Variants in SEMA5A observed in about 807,000 individuals in gnomAD.
SEMA5A encodes the protein semaphorin 5A.
In SEMA5A, 55 loss-of-function variants were observed where a neutral mutation model predicts 135.5. That is an observed-to-expected ratio of 0.41 (90% CI 0.33 to 0.51). SEMA5A has a LOEUF of 0.51. SEMA5A is among the 20% of genes least tolerant of loss of function. The pLI, the probability that SEMA5A is intolerant of heterozygous loss-of-function variation, is 0.37. For missense variants in SEMA5A, 1,290 were observed against 1,419.9 expected (o/e 0.91, Z 1.47); for synonymous variants, 580 against 546.5 (o/e 1.06, Z -0.85).
At chr5:9,440,755 C>T (rs1758203625) in intron 1 of SEMA5A, among the ~76,000 whole-genome samples, 1 of 152,250 alleles carries the variant, frequency 6.6e-6, no homozygotes, top group Non-Finnish European at 1.5e-5. Flanking sequence ...CCCTGCCCAA[C>T]TTACTCAGAA....
chr5:9,359,117 A>T (rs1754580596), intron 3 of SEMA5A, among the ~76,000 whole-genome samples: 1 of 152,076 alleles, frequency 6.6e-6, no homozygotes, highest in Admixed American at 6.5e-5. Context: ...ACGGACACAC[A>T]CACAAAGCAG....
chr5:9,232,201 G>T (rs1481662703), intron 6 of SEMA5A, among the ~76,000 whole-genome samples: 1 of 151,986 alleles, frequency 6.6e-6, no homozygotes, highest in African/African-American at 2.4e-5. Context: ...TTTTTAAACA[G>T]GTATGTTCTG....
chr5:9,221,388 C>T lies in SEMA5A; in HGVS notation c.646+3286G>A, dbSNP rs550713928. 3.7e-3 allele frequency among the ~76,000 whole-genome samples: 561 copies of T among 149,700 alleles called. 6 individuals carry two copies. The highest frequency in any genetic ancestry group is 0.012 in the African/African-American group (492 of 40,904). ...CGCGATCTCGGCTTACTGCAAGCTCCGCCTCCCGGGTTCACACCATTCTCC... is the reference window on the plus strand; with the variant it reads ...CGCGATCTCGGCTTACTGCAAGCTCTGCCTCCCGGGTTCACACCATTCTCC... On this transcript the variant is annotated intron_variant, in intron 8 of 22. Coordinates refer to ENST00000382496, the MANE Select transcript of SEMA5A (RefSeq NM_003966.3).
chr5:9,045,351 G>T (rs1043563480), intron 21 of SEMA5A, among the ~76,000 whole-genome samples: 1 of 152,132 alleles, frequency 6.6e-6, no homozygotes, highest in African/African-American at 2.4e-5. Context: ...TCTACTGCTC[G>T]CCTGCAAGCC....
At chr5:9,446,905 A>T (rs955162614) in intron 1 of SEMA5A, among the ~76,000 whole-genome samples, 1 of 152,226 alleles carries the variant, frequency 6.6e-6, no homozygotes, top group East Asian at 1.9e-4. Flanking sequence ...AGAAGAGCGA[A>T]ATGCCGGCCA....
chr5:9,145,473 T>A (rs1258308445), intron 12 of SEMA5A, among the ~76,000 whole-genome samples: 1 of 152,004 alleles, frequency 6.6e-6, no homozygotes, highest in Non-Finnish European at 1.5e-5. Context: ...ATGCAGCAAA[T>A]AAAAATCTTA....
intron 5 of SEMA5A, among the ~76,000 whole-genome samples, chr5:9,307,261 T>G (rs1190230914): frequency 1.3e-5 from 2 of 152,146 alleles, no homozygotes; most frequent in Non-Finnish European, 2.9e-5. Context: ...AATGAAGAAG[T>G]ATTATATAAA....
intron 1 of SEMA5A, among the ~76,000 whole-genome samples, chr5:9,513,244 A>G (rs1736314292): frequency 6.6e-6 from 1 of 151,972 alleles, no homozygotes; most frequent in African/African-American, 2.4e-5. Context: ...AGGGATGTTA[A>G]TAATTCATTC....
At chr5:9,520,254 A>G (rs1183875284) in intron 1 of SEMA5A, among the ~76,000 whole-genome samples, 2 of 152,228 alleles carry the variant, frequency 1.3e-5, no homozygotes, top group Non-Finnish European at 2.9e-5. Flanking sequence ...AGGACTGGAC[A>G]TACAGTGAAG....
At chr5:9,164,211 A>C (rs1440018009) in intron 11 of SEMA5A, among the ~76,000 whole-genome samples, 1 of 141,584 alleles carries the variant, frequency 7.1e-6, no homozygotes, top group Non-Finnish European at 1.5e-5. Context: ...TATAATTTAT[A>C]TAATTATAAA....
chr5:9,122,963 G>C (rs1473816991), intron 13 of SEMA5A, 126 bp from the exon 14 acceptor site: 5 of 913,570 alleles, frequency 5.5e-6, no homozygotes, highest in Non-Finnish European at 7.8e-6. Flanking sequence ...TGTTGCTGCA[G>C]TTAGAAAAAG....
At chr5:9,432,776 T>C (rs1305245029) in intron 2 of SEMA5A, among the ~76,000 whole-genome samples, 2 of 152,216 alleles carry the variant, frequency 1.3e-5, no homozygotes, top group African/African-American at 4.8e-5. Flanking sequence ...CAGCCTTAAC[T>C]TGGTCTTTGA....
At chr5:9,165,467 G>T (rs191160597) in intron 11 of SEMA5A, among the ~76,000 whole-genome samples, 1 of 152,230 alleles carries the variant, frequency 6.6e-6, no homozygotes, top group African/African-American at 2.4e-5. Flanking sequence ...CCTTCAGTGT[G>T]CTGAATCCAA....
chr5:9,321,183 C>T (rs1294126885), intron 4 of SEMA5A, among the ~76,000 whole-genome samples: 1 of 152,142 alleles, frequency 6.6e-6, no homozygotes, highest in African/African-American at 2.4e-5. Flanking sequence ...AGCTTGCTTC[C>T]CCTTCACCTT....
chr5:9,133,604 G>C (rs1437092647), intron 13 of SEMA5A, among the ~76,000 whole-genome samples: 2 of 152,060 alleles, frequency 1.3e-5, no homozygotes, highest in African/African-American at 4.8e-5. Context: ...AAGCAGAGAT[G>C]GTAGAGGAGG....
At chr5:9,395,163 T>C (rs1176036626) in intron 2 of SEMA5A, among the ~76,000 whole-genome samples, 1 of 152,172 alleles carries the variant, frequency 6.6e-6, no homozygotes, top group African/African-American at 2.4e-5. Context: ...AGACAGGACT[T>C]CAATGCACAT....
Position 9,043,030 on chromosome 5 carries a change from TAAA to T in SEMA5A, c.3106-17_3106-15del. 1 of 1,410,764 alleles carries T rather than the reference TAAA, an allele frequency of 7.1e-7. No individual in the cohort carries two copies. The highest frequency in any genetic ancestry group is 9.7e-7 in the Non-Finnish European group (1 of 1,027,536). The allele number at this position is 1,410,764 out of a possible 1,614,324, so 87.4% of individuals were successfully genotyped here. A position where few individuals can be genotyped will look rare whatever the true frequency, so the allele number is the denominator to read the frequency against. On this transcript the variant is annotated splice_polypyrimidine_tract_variant and intron_variant, in intron 22 of 22. Transcript: ENST00000382496. ...TTTGTTAAATGCCTGGAAAATATAT[TAAA>T]AAAAAACAGGTTTAAGAATGCTGAG...
At chr5:9,353,060 G>GAAGGA (rs145299714) in intron 3 of SEMA5A, among the ~76,000 whole-genome samples, 1,134 of 36,492 alleles carry the variant, frequency 0.031, 164 homozygotes, top group South Asian at 0.048. Flanking sequence ...GAAAGGAAAG[G>GAAGGA]AAGGAAAGGA....
chr5:9,169,070 G>A (rs1314028514), intron 11 of SEMA5A, among the ~76,000 whole-genome samples: 1 of 152,152 alleles, frequency 6.6e-6, no homozygotes, highest in African/African-American at 2.4e-5. Context: ...GGGGTCTAAT[G>A]TACAGCACGG....
Sources: gnomAD v4.1 joint callset for allele counts (sites outside exome capture counted in the v4.1 genomes callset) on GRCh38, gnomAD v4.1.1 for gene constraint, MANE v1.5 for transcripts, NCBI Gene and HGNC (gene_info 2026-07-23, HGNC 2026-07-21) for gene names.